LRP1B: variants seen among roughly 807,000 people sequenced by gnomAD.
LRP1B encodes the protein low-density lipoprotein receptor-related protein 1B.
LRP1B carries 217 observed loss-of-function variants against 556.6 expected under a neutral mutation model. That is an observed-to-expected ratio of 0.39 (90% CI 0.35 to 0.44). The LOEUF (loss-of-function observed/expected upper bound fraction) is 0.44, where lower values mean the gene tolerates loss of function less well. LRP1B is among the 20% of genes least tolerant of loss of function. The pLI, the probability that LRP1B is intolerant of heterozygous loss-of-function variation, is 1.00. For missense variants in LRP1B, 5,053 were observed against 5,620.8 expected, an observed-to-expected ratio of 0.90 and a Z score of 3.23; for synonymous variants, 2,047 against 1,865.8, an observed-to-expected ratio of 1.10 and a Z score of -2.50.
At chr2:140,349,799 C>A (rs980407852) in intron 77 of LRP1B, among the ~76,000 whole-genome samples, 18 of 152,196 alleles carry the variant, frequency 1.2e-4, no homozygotes, top group African/African-American at 4.3e-4. Flanking sequence ...AGGAATTGAA[C>A]AATTCTGGTA....
intron 1 of LRP1B, among the ~76,000 whole-genome samples, chr2:141,921,924 T>G (rs908419005): frequency 1.1e-4 from 17 of 152,148 alleles, no homozygotes; most frequent in Admixed American, 5.2e-4. Context: ...TACATTATAT[T>G]CATTCATTTC....
intron 37 of LRP1B, among the ~76,000 whole-genome samples, chr2:140,709,622 G>A (rs1686963529): frequency 6.6e-6 from 1 of 151,928 alleles, no homozygotes; most frequent in Non-Finnish European, 1.5e-5. Context: ...AGTCTCTATT[G>A]TTTAAAAACA....
intron 87 of LRP1B, among the ~76,000 whole-genome samples, chr2:140,244,743 A>T (rs1332715219): frequency 7.3e-5 from 11 of 150,806 alleles, no homozygotes; most frequent in Admixed American, 7.3e-4. Flanking sequence ...AAATCTCTGT[A>T]TAAATTGATA....
At chr2:141,198,399 A>G (rs1681841356) in intron 6 of LRP1B, among the ~76,000 whole-genome samples, 1 of 152,120 alleles carries the variant, frequency 6.6e-6, no homozygotes, top group South Asian at 2.1e-4. Context: ...GTCCCCATCT[A>G]TGCTCCGATC....
At chr2:141,323,480 G>A (rs1687317157) in intron 3 of LRP1B, among the ~76,000 whole-genome samples, 1 of 151,994 alleles carries the variant, frequency 6.6e-6, no homozygotes, top group Admixed American at 6.6e-5. Flanking sequence ...TTCTTGTCAT[G>A]TAAGATTAAT....
chr2:140,796,280 C>T (rs1690310209), intron 32 of LRP1B, among the ~76,000 whole-genome samples: 1 of 151,914 alleles, frequency 6.6e-6, no homozygotes, highest in Admixed American at 6.6e-5. Flanking sequence ...GTTAATAAGA[C>T]CATCTTCTGA....
chr2:141,553,633 T>C (rs1026871887), intron 2 of LRP1B, among the ~76,000 whole-genome samples: 1 of 146,326 alleles, frequency 6.8e-6, no homozygotes, highest in African/African-American at 2.5e-5. Context: ...AACAATTGTG[T>C]ATATTACATA....
intron 66 of LRP1B, among the ~76,000 whole-genome samples, chr2:140,433,606 C>A (rs1176654202): frequency 1.3e-5 from 2 of 152,042 alleles, no homozygotes; most frequent in Non-Finnish European, 2.9e-5. Flanking sequence ...TTTACACTTA[C>A]AACAAAATGA....
chr2:141,870,607 C>A (rs1698551951), intron 1 of LRP1B, among the ~76,000 whole-genome samples: 1 of 151,958 alleles, frequency 6.6e-6, no homozygotes, highest in Non-Finnish European at 1.5e-5. Flanking sequence ...CAAATTCACT[C>A]TTGCTTGCAT....
Position 140,492,617 on chromosome 2 carries a change from A to G in LRP1B, c.9111T>C (p.Leu3037=), listed in dbSNP as rs1688749953. 6.2e-7 allele frequency: 1 copy of G among 1,612,232 alleles called. No individual in the cohort carries two copies. Among genetic ancestry groups the G allele is most frequent in the Non-Finnish European group, 8.5e-7 (1 of 1,178,486 alleles). The change falls in exon 57 of 91, where the codon CTT becomes CTC. Residue 3037 remains leucine, a synonymous_variant. Coordinates refer to ENST00000389484, the MANE Select transcript of LRP1B (RefSeq NM_018557.3). ...KISTDGSNYT[L]LKQGLNNVIA... ...CTTGGGAGTGTCATACCTGTTTTAA[A>G]AGTGTGTAGTTGGAGCCATCAGTGC... is the stretch of plus-strand genomic sequence containing the variant.
chr2:141,379,424 T>C (rs115594978), intron 3 of LRP1B, among the ~76,000 whole-genome samples: 1,796 of 152,230 alleles, frequency 0.012, 35 homozygotes, highest in African/African-American at 0.042. Flanking sequence ...TACAGACTCT[T>C]CCATTACCCA....
At chr2:141,383,422 G>T (rs996289859) in intron 3 of LRP1B, among the ~76,000 whole-genome samples, 1 of 152,144 alleles carries the variant, frequency 6.6e-6, no homozygotes. Context: ...CACATTCATT[G>T]TAACCTTATT....
At chr2:142,120,465 T>C (rs1328900440) in intron 1 of LRP1B, among the ~76,000 whole-genome samples, 8 of 152,128 alleles carry the variant, frequency 5.3e-5, no homozygotes, top group Non-Finnish European at 1.5e-5. Flanking sequence ...CAGCCAATAA[T>C]AGCTTTGTTA....
chr2:140,762,743 T>C (rs1346415843), intron 35 of LRP1B, among the ~76,000 whole-genome samples: 1 of 152,164 alleles, frequency 6.6e-6, no homozygotes, highest in Non-Finnish European at 1.5e-5. Flanking sequence ...ACAAATTAAA[T>C]AACTTTCCTT....
chr2:140,554,889 T>TATAC (rs1680675121), intron 43 of LRP1B, among the ~76,000 whole-genome samples: 3 of 151,478 alleles, frequency 2.0e-5, no homozygotes, highest in South Asian at 2.1e-4. Flanking sequence ...TGTGTGTATA[T>TATAC]GTATATGAAC....
chr2:141,235,221 G>T (rs1446532882), intron 5 of LRP1B, among the ~76,000 whole-genome samples: 1 of 151,798 alleles, frequency 6.6e-6, no homozygotes, highest in African/African-American at 2.4e-5. Context: ...TATTTATGCT[G>T]AAGTATTCTT....
intron 1 of LRP1B, among the ~76,000 whole-genome samples, chr2:141,815,538 A>G (rs1574392589): frequency 1.3e-5 from 2 of 152,162 alleles, no homozygotes; most frequent in African/African-American, 4.8e-5. Context: ...TCAGCACTCT[A>G]TAAAATGCAC....
intron 7 of LRP1B, among the ~76,000 whole-genome samples, chr2:141,131,768 A>G (rs1701364237): frequency 6.6e-6 from 1 of 152,026 alleles, no homozygotes; most frequent in African/African-American, 2.4e-5. Context: ...CAGTTTAAAA[A>G]GTCTTTGATA....
intron 78 of LRP1B, 103 bp downstream of exon 78, chr2:140,335,512 T>A (rs1187730079): frequency 4.1e-6 from 3 of 726,182 alleles, no homozygotes; most frequent in Non-Finnish European, 7.4e-6. Context: ...CATGTGACAC[T>A]ATTACACATT....
Sources: allele counts gnomAD v4.1 joint callset (sites outside exome capture counted in the v4.1 genomes callset), GRCh38; gene constraint gnomAD v4.1.1; transcripts MANE v1.5; gene names NCBI Gene and HGNC (gene_info 2026-07-23, HGNC 2026-07-21).